PIK3CD: variants seen among roughly 807,000 people sequenced by gnomAD.
The protein encoded by PIK3CD is phosphatidylinositol-4,5-bisphosphate 3-kinase catalytic subunit delta, also known as phosphatidylinositol 4,5-bisphosphate 3-kinase catalytic subunit delta isoform.
In PIK3CD, 20 loss-of-function variants were observed where a neutral mutation model predicts 122.9. The ratio of observed to expected loss-of-function variants is 0.16; its 90% CI spans 0.11 to 0.24. The LOEUF is 0.24. Ranked by LOEUF, PIK3CD falls within the 10% of genes least tolerant of loss-of-function variation. The pLI, the probability that PIK3CD is intolerant of heterozygous loss-of-function variation, is 1.00. For synonymous variants in PIK3CD, 596 were observed against 593.4 expected (o/e 1.00, Z -0.06); for missense variants, 787 against 1,406.3 (o/e 0.56, Z 7.04).
chr1:9,684,536 CAAAA>C (rs887585173), intron 1 of PIK3CD, among the ~76,000 whole-genome samples: 2 of 67,300 alleles, frequency 3.0e-5, no homozygotes. Flanking sequence ...GACTCCGTCT[CAAAA>C]AAAAAAAAAA....
At chr1:9,671,753 C>T (rs779778153) in intron 1 of PIK3CD, among the ~76,000 whole-genome samples, 1 of 152,146 alleles carries the variant, frequency 6.6e-6, no homozygotes, top group African/African-American at 2.4e-5. Flanking sequence ...GCCTTGTCAG[C>T]GTTTTCTAGC....
intron 1 of PIK3CD, among the ~76,000 whole-genome samples, chr1:9,686,050 G>A (rs573341755): frequency 9.2e-5 from 14 of 152,296 alleles, no homozygotes; most frequent in African/African-American, 3.1e-4. Flanking sequence ...CAGCAAAAGT[G>A]TGATGAAATC....
At chr1:9,661,225 G>A (rs1055336826) in intron 1 of PIK3CD, among the ~76,000 whole-genome samples, 7 of 151,662 alleles carry the variant, frequency 4.6e-5, no homozygotes, top group East Asian at 1.9e-4. Context: ...CTGAGCCACC[G>A]TGCCCGGCCA....
At position 9,670,035 on chromosome 1, in the gene PIK3CD, G is replaced by T. The variant is rs573486250; in HGVS notation, c.-138+18233G>T. On this transcript the variant is annotated intron_variant, in intron 1 of 23. Coordinates refer to ENST00000377346, the MANE Select transcript of PIK3CD (RefSeq NM_005026.5). ...CTAAAAATACAAAAATTAGCTGGGC[G>T]TGGTGGTGGGTGCCTATAATCCCAG... Among the ~76,000 whole-genome samples, 7 of 151,742 alleles carry T rather than the reference G, an allele frequency of 4.6e-5. No homozygotes were observed. In the East Asian group the frequency reaches 9.7e-4, roughly 21 times the overall value.
At chr1:9,668,263 C>T (rs928629974) in intron 1 of PIK3CD, among the ~76,000 whole-genome samples, 1 of 152,042 alleles carries the variant, frequency 6.6e-6, no homozygotes, top group Non-Finnish European at 1.5e-5. Context: ...TCTTCCACTT[C>T]CCAGCTGTGT....
Position 9,710,917 on chromosome 1 carries a change from C to A in PIK3CD, c.141+321C>A, listed in dbSNP as rs142972496. Among the ~76,000 whole-genome samples, 117 of 152,216 alleles carry A rather than the reference C, an allele frequency of 7.7e-4. No individual in the cohort carries two copies. The highest frequency in any genetic ancestry group is 2.8e-3 in the African/African-American group (117 of 41,526). Reference sequence around the variant, plus strand: ...TCTTCCGCCTCAGCCTCCTGAGTAGCTGGGATTACAGGCATGCACCATCAC... The same window carrying A: ...TCTTCCGCCTCAGCCTCCTGAGTAGATGGGATTACAGGCATGCACCATCAC... On this transcript the variant is annotated intron_variant, in intron 3 of 23. Coordinates refer to ENST00000377346, the MANE Select transcript of PIK3CD (RefSeq NM_005026.5). This position sits in a 1 kb window ranked among gnomAD's most constrained non-coding sequence, Gnocchi z 4.7.
chr1:9,666,477 C>T (rs1159860642), intron 1 of PIK3CD, among the ~76,000 whole-genome samples: 2 of 151,870 alleles, frequency 1.3e-5, no homozygotes, highest in Non-Finnish European at 2.9e-5. Flanking sequence ...AAGTGAACCA[C>T]CTGCCCTGGC....
chr1:9,641,603 G>A, the PIK3CD span, among the ~76,000 whole-genome samples: 2 of 109,948 alleles, frequency 1.8e-5, no homozygotes, highest in Admixed American at 1.8e-4. Flanking sequence ...CACCAGCCCT[G>A]GAGTCCTGGA....
chr1:9,710,331 G>T lies in PIK3CD; in HGVS notation c.-32-93G>T. ...GGAACTCACTCCTGAGCTTCCTGCT[G>T]TCCAAGGACCCCACTGTTTTCCAGG... On this transcript the variant is annotated intron_variant, in intron 2 of 23. Coordinates refer to ENST00000377346, the MANE Select transcript of PIK3CD (RefSeq NM_005026.5). This position sits in a 1 kb window ranked among gnomAD's most constrained non-coding sequence, Gnocchi z 4.7. The T allele has an allele frequency of 9.6e-7, 1 of 1,037,040 alleles. No individual in the cohort carries two copies. The highest frequency in any genetic ancestry group is 1.5e-6 in the Non-Finnish European group (1 of 663,716). The allele number at this position is 1,037,040 out of a possible 1,614,324, so 64.2% of individuals were successfully genotyped here. A position where few individuals can be genotyped will look rare whatever the true frequency, so the allele number is the denominator to read the frequency against.
chr1:9,676,703 C>T (rs1221979951), intron 1 of PIK3CD, among the ~76,000 whole-genome samples: 1 of 152,216 alleles, frequency 6.6e-6, no homozygotes, highest in Non-Finnish European at 1.5e-5. Context: ...CACTTCCTTC[C>T]CCGTCACCTC....
At position 9,717,697 on chromosome 1, in the gene PIK3CD, G is replaced by C. The variant is rs528207173; in HGVS notation, c.1020+71G>C. 4 of 1,372,122 alleles carry C rather than the reference G, an allele frequency of 2.9e-6. No homozygotes were observed. The South Asian group carries it at 4.7e-5, about 16-fold the overall frequency. The allele number at this position is 1,372,122 out of a possible 1,614,324, so 85.0% of individuals were successfully genotyped here. The stretch of plus-strand genomic sequence containing the variant: ...AACAAGGTGGCTGTATCCTGGAGGG[G>C]TAGCAGAGGAAGGAGGGGGATCACA... On this transcript the variant is annotated intron_variant, in intron 8 of 23. Transcript: ENST00000377346. The surrounding 1 kb of genome is among the most constrained non-coding windows in gnomAD (Gnocchi z 5.4).
In PIK3CD at chr1:9,703,664, G is replaced by A. The variant is rs146198042; in HGVS notation, c.-32-6760G>A. ...CAGCTTTATGTGTGTGAGAGTCATCGATACTGTTGTGTGGACTTGTAGACT... is the reference window on the plus strand; with the variant it reads ...CAGCTTTATGTGTGTGAGAGTCATCAATACTGTTGTGTGGACTTGTAGACT... On this transcript the variant is annotated intron_variant, in intron 2 of 23. Transcript: ENST00000377346. 4.6e-3 allele frequency among the ~76,000 whole-genome samples: 706 copies of A among 152,242 alleles called. 25 individuals are homozygous for A. Among genetic ancestry groups the A allele is most frequent in the Admixed American group, 0.034 (519 of 15,280 alleles).
chr1:9,655,697 C>CTTTTTTT (rs576002642), intron 1 of PIK3CD, among the ~76,000 whole-genome samples: 4 of 120,762 alleles, frequency 3.3e-5, no homozygotes, highest in African/African-American at 9.8e-5. Context: ...CTTTTTTCTT[C>CTTTTTTT]TTTTTTTTTT....
intron 1 of PIK3CD, among the ~76,000 whole-genome samples, chr1:9,682,189 C>A (rs1169255999): frequency 6.6e-6 from 1 of 152,116 alleles, no homozygotes; most frequent in Non-Finnish European, 1.5e-5. Flanking sequence ...TACCAAAGTG[C>A]TAGGATTACA....
intron 6 of PIK3CD, 108 bp from the exon 7 acceptor site, chr1:9,716,851 C>A: frequency 6.6e-7 from 1 of 1,508,186 alleles, no homozygotes; most frequent in Non-Finnish European, 9.2e-7. Flanking sequence ...CTCCCCTCTC[C>A]CAAGGCCTAG....
the PIK3CD span, among the ~76,000 whole-genome samples, chr1:9,645,145 C>T: frequency 6.6e-6 from 1 of 151,260 alleles, no homozygotes; most frequent in Non-Finnish European, 1.5e-5. Context: ...CCTGCCTCAA[C>T]CGGTAGCTGG....
chr1:9,675,241 C>T (rs1324410627), intron 1 of PIK3CD, among the ~76,000 whole-genome samples: 7 of 150,744 alleles, frequency 4.6e-5, no homozygotes, highest in African/African-American at 1.7e-4. Flanking sequence ...AAAAAATTAG[C>T]CGGGCGTGGT....
Position 9,666,866 on chromosome 1 carries a change from A to ATT in PIK3CD, c.-138+15078_-138+15079dup, listed in dbSNP as rs57178903. On this transcript the variant is annotated intron_variant, in intron 1 of 23. Coordinates refer to ENST00000377346, the MANE Select transcript of PIK3CD (RefSeq NM_005026.5). ...ACAGGCTTGCGCCACCATGCCTGCT[A>ATT]TTTTTTTTTTTTTTTCAGAGATGGA... is the stretch of plus-strand genomic sequence containing the variant. Among the ~76,000 whole-genome samples, 272 of 111,834 alleles carry ATT rather than the reference A, an allele frequency of 2.4e-3. 1 individual carries two copies. The highest frequency in any genetic ancestry group is 7.5e-3 in the African/African-American group (230 of 30,550). 73.4% of individuals were successfully genotyped at this position (111,834 alleles called of 152,430 possible).
upstream of PIK3CD, among the ~76,000 whole-genome samples, chr1:9,650,481 G>A (rs1570023768): frequency 6.6e-6 from 1 of 151,986 alleles, no homozygotes; most frequent in East Asian, 1.9e-4. Context: ...AAAATCAGCT[G>A]GGTGTCGTGG....
Sources: gnomAD v4.1 joint callset for allele counts (sites outside exome capture counted in the v4.1 genomes callset) on GRCh38, gnomAD v4.1.1 for gene constraint, Gnocchi (gnomAD v3.1) non-coding constraint, MANE v1.5 for transcripts, NCBI Gene and HGNC (gene_info 2026-07-23, HGNC 2026-07-21) for gene names.